The following TRAP1 variants were observed in gnomAD, a reference collection of about 807,000 sequenced individuals.
TRAP1 encodes the protein TNF receptor associated protein 1, also known as heat shock protein 75 kDa, mitochondrial.
Under a neutral mutation model 89.1 loss-of-function variants are expected in TRAP1, and 102 were observed. The observed-to-expected ratio is 1.15, with a 90% CI of 0.98 to 1.35. The LOEUF (loss-of-function observed/expected upper bound fraction) is 1.35, where lower values mean the gene tolerates loss of function less well. TRAP1 is among the 40% of genes most tolerant of loss of function. The probability of loss-of-function intolerance (pLI) is 0.00; values close to 1 mark genes in which losing one functional copy is unlikely to be tolerated. For synonymous variants in TRAP1, 508 were observed against 388.0 expected (o/e 1.31, Z -3.64); for missense variants, 1,256 against 945.3 (o/e 1.33, Z -4.31).
At chr16:3,676,801 AT>A (rs1378911607) in intron 6 of TRAP1, 8 of 152,406 alleles carry the variant, frequency 5.2e-5, no homozygotes, top group African/African-American at 1.9e-4. Flanking sequence ...CACGTCTATA[AT>A]CCCAGCACTT....
At chr16:3,669,673 A>G (rs2050884341) in intron 11 of TRAP1, among the ~76,000 whole-genome samples, 1 of 151,634 alleles carries the variant, frequency 6.6e-6, no homozygotes, top group African/African-American at 2.4e-5. Flanking sequence ...TCTCTACTAA[A>G]TATACAAAAA....
At chr16:3,716,934 A>G (rs961341368) in intron 1 of TRAP1, among the ~76,000 whole-genome samples, 2 of 152,220 alleles carry the variant, frequency 1.3e-5, no homozygotes, top group Non-Finnish European at 2.9e-5. Flanking sequence ...GCGGGCGCTC[A>G]CATGTGCGTC....
In TRAP1 at chr16:3,672,287, C is replaced by T. The variant is rs113760263; in HGVS notation, c.1165+413G>A. On this transcript the variant is annotated intron_variant, in intron 10 of 17. Transcript: ENST00000246957. ...TTGCAGTGAGCCACGATTGCACCACCGCACTCCAGCCTGGGTGACAGAGCA... is the reference window on the plus strand; with the variant it reads ...TTGCAGTGAGCCACGATTGCACCACTGCACTCCAGCCTGGGTGACAGAGCA... 1.2e-3 allele frequency among the ~76,000 whole-genome samples: 190 copies of T among 152,100 alleles called. 1 individual carries two copies. The highest frequency in any genetic ancestry group is 4.2e-3 in the African/African-American group (173 of 41,470).
At chr16:3,696,612 A>C (rs2051290919) in intron 1 of TRAP1, among the ~76,000 whole-genome samples, 1 of 151,904 alleles carries the variant, frequency 6.6e-6, no homozygotes, top group Admixed American at 6.6e-5. Context: ...CTGGATCACA[A>C]TGGCACAATC....
At chr16:3,714,450 G>C (rs1271064968) in intron 1 of TRAP1, among the ~76,000 whole-genome samples, 1 of 152,198 alleles carries the variant, frequency 6.6e-6, no homozygotes, top group East Asian at 1.9e-4. Context: ...CATGAGGTCA[G>C]GAGTTCGAGA....
At chr16:3,704,483 AG>A (rs950401576) in intron 1 of TRAP1, 1 of 152,248 alleles carries the variant, frequency 6.6e-6, no homozygotes, top group Non-Finnish European at 1.5e-5. Context: ...AAATAGCCAA[AG>A]AAATTTTGAA....
intron 1 of TRAP1, among the ~76,000 whole-genome samples, chr16:3,716,192 T>A (rs776511965): frequency 3.9e-5 from 6 of 152,174 alleles, no homozygotes; most frequent in Non-Finnish European, 8.8e-5. Flanking sequence ...TGAAAAGACA[T>A]AAGATTCAGC....
rs376429015 is a variant in TRAP1 at position 3,658,782 on chromosome 16, G to C, written c.2013+11C>G. The C allele has an allele frequency of 2.2e-5, 36 of 1,612,944 alleles. 1 individual carries two copies. In the African/African-American group the frequency reaches 4.5e-4, roughly 20 times the overall value. ...TGGGTCCCTGCAGTCATCCTAAGCT[G>C]CTGCACTCACCTGATCCACCAGCAG... On this transcript the variant is annotated intron_variant, in intron 17 of 17. Coordinates refer to ENST00000246957, the MANE Select transcript of TRAP1 (RefSeq NM_016292.3).
At chr16:3,669,302 G>A (rs148866906) in intron 11 of TRAP1, among the ~76,000 whole-genome samples, 14 of 152,326 alleles carry the variant, frequency 9.2e-5, no homozygotes, top group East Asian at 3.9e-4. Flanking sequence ...GTGGGGCGGG[G>A]ATGCATCCTG....
intron 11 of TRAP1, among the ~76,000 whole-genome samples, chr16:3,671,216 AC>A (rs1330590580): frequency 9.9e-5 from 15 of 152,094 alleles, no homozygotes; most frequent in Non-Finnish European, 2.9e-5. Context: ...TAAACCATCA[AC>A]AGCAGTCATC....
At chr16:3,701,266 ATTTGCCTAATAAC>A (rs2051361192) in intron 1 of TRAP1, among the ~76,000 whole-genome samples, 2 of 152,220 alleles carry the variant, frequency 1.3e-5, no homozygotes, top group Non-Finnish European at 2.9e-5. Context: ...ACAAGTGTGT[ATTTGCCTAATAAC>A]AGAGCTTCAA....
chr16:3,665,951 C>G lies in TRAP1; in HGVS notation c.1383+20G>C, dbSNP rs1431476843. ...GGGACAAGGTGGCCCAGAAAAAGGC[C>G]TGGAACACAGCTCCTATACCTTGAC... On this transcript the variant is annotated intron_variant, in intron 12 of 17. Transcript: ENST00000246957. The G allele has an allele frequency of 6.2e-7, 1 of 1,604,140 alleles. No homozygotes were observed.
intron 1 of TRAP1, among the ~76,000 whole-genome samples, chr16:3,706,454 C>G (rs887044234): frequency 1.5e-5 from 2 of 130,152 alleles, no homozygotes; most frequent in Admixed American, 1.6e-4. Flanking sequence ...CCTATTTGCA[C>G]TCTTTTTTTT....
chr16:3,666,800 C>G (rs1181855563), intron 11 of TRAP1, among the ~76,000 whole-genome samples: 3 of 152,084 alleles, frequency 2.0e-5, no homozygotes, highest in Non-Finnish European at 2.9e-5. Flanking sequence ...TCTAATTTTT[C>G]AAAATTGGGA....
At chr16:3,714,875 G>A (rs1035011318) in intron 1 of TRAP1, among the ~76,000 whole-genome samples, 2 of 152,154 alleles carry the variant, frequency 1.3e-5, no homozygotes, top group Non-Finnish European at 2.9e-5. Context: ...AATTTCAAGA[G>A]GTCTGGATTT....
Position 3,662,975 on chromosome 16 carries a change from A to T in TRAP1, c.1709-8T>A. Reference sequence around the variant, plus strand: ...CTGATAGGCACTCGGCGGCTGCGGAAGAGCAGGCGACAGGGAGCTCAGGCC... The same window carrying T: ...CTGATAGGCACTCGGCGGCTGCGGATGAGCAGGCGACAGGGAGCTCAGGCC... On this transcript the variant is annotated splice_polypyrimidine_tract_variant and splice_region_variant and intron_variant, in intron 14 of 17. Transcript: ENST00000246957. The T allele has an allele frequency of 6.2e-7, 1 of 1,601,530 alleles. No homozygotes were observed. Among genetic ancestry groups the T allele is most frequent in the Non-Finnish European group, 8.5e-7 (1 of 1,177,346 alleles).
intron 5 of TRAP1, chr16:3,678,081 G>C (rs1452538490): frequency 5.9e-6 from 1 of 168,690 alleles, no homozygotes; most frequent in Non-Finnish European, 1.3e-5. Context: ...GTGGGAAAAA[G>C]AGTAGAAATC....
rs570205776 is a variant in TRAP1, at chr16:3,717,346, C to T, written c.88+75G>A. On this transcript the variant is annotated intron_variant, in intron 1 of 17. Transcript: ENST00000246957. ...TGAAGCAGGTGCCGGCGCCTCGCTC[C>T]CCGGAGCACAGGGACGTCCCTGCCG... 554 of 584,030 alleles carry T rather than the reference C, an allele frequency of 9.5e-4. 4 individuals carry two copies. In the East Asian group the frequency reaches 0.012, roughly 13 times the overall value. The allele number at this position is 584,030 out of a possible 1,614,324, so 36.2% of individuals were successfully genotyped here.
intron 16 of TRAP1, chr16:3,661,433 A>C (rs1425889516): frequency 6.6e-6 from 1 of 152,196 alleles, no homozygotes; most frequent in East Asian, 1.9e-4. Flanking sequence ...GGCCACAGAG[A>C]AACCCACACA....
Sources: allele counts gnomAD v4.1 joint callset (sites outside exome capture counted in the v4.1 genomes callset), GRCh38; gene constraint gnomAD v4.1.1; transcripts MANE v1.5; gene names NCBI Gene and HGNC (gene_info 2026-07-23, HGNC 2026-07-21).